IFT74: variants seen among roughly 807,000 people sequenced by gnomAD.
IFT74 encodes the protein intraflagellar transport 74, also known as intraflagellar transport protein 74 homolog.
Under a neutral mutation model 96.7 loss-of-function variants are expected in IFT74, and 92 were observed. That is an observed-to-expected ratio of 0.95 (90% CI 0.80 to 1.13). IFT74 has a LOEUF of 1.13. Ranked by LOEUF, IFT74 falls within the 50% of genes most tolerant of loss-of-function variation. The probability of loss-of-function intolerance (pLI) is 0.00; values close to 1 mark genes in which losing one functional copy is unlikely to be tolerated. For synonymous variants in IFT74, 223 were observed against 213.2 expected, an observed-to-expected ratio of 1.05 and a Z score of -0.40; for missense variants, 811 against 698.2, an observed-to-expected ratio of 1.16 and a Z score of -1.82.
At chr9:26,989,295 A>T (rs982997378) in intron 7 of IFT74, among the ~76,000 whole-genome samples, 15 of 152,158 alleles carry the variant, frequency 9.9e-5, no homozygotes, top group African/African-American at 3.4e-4. Context: ...GTTCACTAGA[A>T]GCCCAAACCT....
chr9:26,995,624 T>G, intron 8 of IFT74: 1 of 1,612,986 alleles, frequency 6.2e-7, no homozygotes, highest in Non-Finnish European at 8.5e-7. Flanking sequence ...TACTGTAGTT[T>G]CTTCAGAGTT....
chr9:27,015,897 G>A (rs1829320373), intron 10 of IFT74, among the ~76,000 whole-genome samples: 1 of 152,140 alleles, frequency 6.6e-6, no homozygotes. Flanking sequence ...GTAAACAAGA[G>A]TCTCAAATGT....
At position 27,039,006 on chromosome 9, in the gene IFT74, T is replaced by C. The variant is rs143501794; in HGVS notation, c.1055-5736T>C. ...TAAACGCTTGAAGATTCTTCCAGCA[T>C]AAATGATCTTTCCGATGTCCTGTTA... On this transcript the variant is annotated intron_variant, in intron 13 of 19. Transcript: ENST00000380062. 2.8e-3 allele frequency among the ~76,000 whole-genome samples: 423 copies of C among 152,316 alleles called. 3 individuals carry two copies. The highest frequency in any genetic ancestry group is 9.8e-3 in the African/African-American group (409 of 41,568).
upstream of IFT74, among the ~76,000 whole-genome samples, chr9:26,952,047 T>C (rs1020320592): frequency 6.6e-6 from 1 of 152,238 alleles, no homozygotes; most frequent in Admixed American, 6.5e-5. Flanking sequence ...TTCAAGCTTT[T>C]GGTGCCCAAA....
intron 2 of IFT74, among the ~76,000 whole-genome samples, chr9:26,977,621 C>T (rs1425675415): frequency 2.6e-5 from 4 of 152,022 alleles, no homozygotes; most frequent in Non-Finnish European, 5.9e-5. Context: ...CTCAAGTAGC[C>T]GGGATTACAG....
chr9:26,967,181 A>C (rs1351738784), intron 2 of IFT74, among the ~76,000 whole-genome samples: 1 of 151,786 alleles, frequency 6.6e-6, no homozygotes, highest in Non-Finnish European at 1.5e-5. Context: ...TTGTAGATTA[A>C]TTTGGATATT....
chr9:27,052,213 CA>C (rs1295406015), intron 16 of IFT74, among the ~76,000 whole-genome samples: 7 of 152,088 alleles, frequency 4.6e-5, no homozygotes, highest in African/African-American at 1.7e-4. Flanking sequence ...TTCCTTTTAA[CA>C]ACTAGTCATT....
chr9:27,026,546 C>T (rs899949031), intron 12 of IFT74, among the ~76,000 whole-genome samples: 24 of 152,130 alleles, frequency 1.6e-4, no homozygotes, highest in African/African-American at 5.8e-4. Context: ...GCACATGGGA[C>T]GTCCTGCAAG....
chr9:27,012,706 C>CTTTTTTTT (rs1563974323), intron 10 of IFT74, among the ~76,000 whole-genome samples: 1 of 85,308 alleles, frequency 1.2e-5, no homozygotes. Flanking sequence ...GTAAAAATGT[C>CTTTTTTTT]TGTTTTTTTT....
intron 9 of IFT74, 24 bp downstream of exon 9, chr9:27,009,182 C>A: frequency 1.9e-6 from 3 of 1,595,504 alleles, no homozygotes; most frequent in Admixed American, 1.7e-5. Flanking sequence ...CTGCTGTGTG[C>A]CAAGCATGTA....
chr9:27,029,184 CTG>C, intron 13 of IFT74, 80 bp downstream of exon 13: 1 of 1,009,344 alleles, frequency 9.9e-7, no homozygotes, highest in Non-Finnish European at 1.5e-6. Flanking sequence ...GTCTCAGAGA[CTG>C]TTCAACTACC....
chr9:26,981,118 A>G (rs1827357366), intron 4 of IFT74, among the ~76,000 whole-genome samples: 1 of 152,166 alleles, frequency 6.6e-6, no homozygotes, highest in South Asian at 2.1e-4. Context: ...AATCCCATCC[A>G]TGAGGGCAGA....
intron 13 of IFT74, among the ~76,000 whole-genome samples, chr9:27,037,220 CA>C (rs11354662): frequency 0.51 from 46,495 of 91,180 alleles, 7,678 homozygotes; most frequent in Non-Finnish European, 0.53. Flanking sequence ...AATCCCATCT[CA>C]AAAAAAAAAA....
At chr9:27,035,956 A>C (rs1819160809) in intron 13 of IFT74, among the ~76,000 whole-genome samples, 1 of 152,232 alleles carries the variant, frequency 6.6e-6, no homozygotes, top group South Asian at 2.1e-4. Flanking sequence ...TTTTGACTCC[A>C]TAAAAACTTA....
chr9:26,951,177 C>T (rs1315140769), intron 1 of IFT74, among the ~76,000 whole-genome samples: 1 of 152,156 alleles, frequency 6.6e-6, no homozygotes, highest in African/African-American at 2.4e-5. Flanking sequence ...TTTATGTTCT[C>T]AATATGATGT....
intron 13 of IFT74, among the ~76,000 whole-genome samples, chr9:27,033,573 C>CAAA (rs558712485): frequency 1.3e-3 from 83 of 66,256 alleles, no homozygotes; most frequent in Middle Eastern, 7.8e-3. Context: ...GACCCTGTCT[C>CAAA]AAAAAAAAAA....
At chr9:27,057,737 A>G (rs1820231338) in intron 18 of IFT74, among the ~76,000 whole-genome samples, 1 of 152,078 alleles carries the variant, frequency 6.6e-6, no homozygotes, top group Non-Finnish European at 1.5e-5. Flanking sequence ...GGGTGCCTGT[A>G]GTCCCAGCTA....
chr9:27,008,651 A>T (rs1828901611), intron 8 of IFT74, among the ~76,000 whole-genome samples: 1 of 152,128 alleles, frequency 6.6e-6, no homozygotes, highest in South Asian at 2.1e-4. Context: ...TGAGCCACCG[A>T]GCGCAGCCTC....
chr9:27,028,279 C>T (rs1385750373), intron 12 of IFT74, among the ~76,000 whole-genome samples: 1 of 152,136 alleles, frequency 6.6e-6, no homozygotes, highest in African/African-American at 2.4e-5. Context: ...CCCTTATTTT[C>T]TCATTTTTGA....
Sources: gnomAD v4.1 joint callset for allele counts (sites outside exome capture counted in the v4.1 genomes callset) on GRCh38, gnomAD v4.1.1 for gene constraint, MANE v1.5 for transcripts, NCBI Gene and HGNC (gene_info 2026-07-23, HGNC 2026-07-21) for gene names.